The following INSL6 variants were observed in gnomAD, a reference collection of about 807,000 sequenced individuals.
INSL6 encodes insulin like 6.
In INSL6, 16 loss-of-function variants were observed where a neutral mutation model predicts 9.4. That is an observed-to-expected ratio of 1.70 (90% CI 1.15 to 2.59). The LOEUF is 2.59. Ranked by LOEUF, INSL6 falls within the 30% of genes most tolerant of loss-of-function variation. The pLI is 0.00. For missense variants in INSL6, 391 were observed against 257.3 expected, an observed-to-expected ratio of 1.52 and a Z score of -3.56; for synonymous variants, 154 against 96.9, an observed-to-expected ratio of 1.59 and a Z score of -3.46.
In INSL6 at chr9:5,163,923, T is replaced by C. The variant is rs772600588; in HGVS notation, c.632A>G (p.Lys211Arg). Reference protein sequence around the residue: ...LKEKRSSLVTKIY With the variant: ...LKEKRSSLVTRIY The stretch of plus-strand genomic sequence containing the variant: ...AAAATTCTAAGATGGTTAGTATATC[T>C]TAGTTACAAGTGATGATCTTTTTTC... The change falls in exon 2 of 2, where the codon AAG (lysine) becomes AGG (arginine). Residue 211 changes from lysine (K) to arginine (R), a missense_variant. Physicochemically the swap from Lys to Arg is conservative, Grantham distance 26. Transcript: ENST00000381641. 6.3e-7 allele frequency: 1 copy of C among 1,589,680 alleles called. No individual in the cohort carries two copies. The highest frequency in any genetic ancestry group is 8.6e-7 in the Non-Finnish European group (1 of 1,165,674).
chr9:5,111,348 T>A, the INSL6 span: 1 of 413,810 alleles, frequency 2.4e-6, no homozygotes, highest in Non-Finnish European at 4.7e-6. Context: ...GAAGGGGACC[T>A]CCCGGTACTA....
the INSL6 span, chr9:5,089,641 G>T: frequency 8.7e-7 from 1 of 1,153,118 alleles, no homozygotes; most frequent in South Asian, 3.4e-5. Context: ...TTGAAAACTT[G>T]GTATTTCCAT....
rs571334740 is a variant in INSL6, at chr9:5,141,880, T to C, written c.377-8288A>G. 2.6e-5 allele frequency among the ~76,000 whole-genome samples: 4 copies of C among 152,350 alleles called. No individual in the cohort carries two copies. The East Asian group carries it at 5.8e-4, about 22-fold the overall frequency. On this transcript the variant is annotated intron_variant, in intron 2 of 3. Transcript: ENST00000649639. Reference sequence around the variant, plus strand: ...TTATATTTAAGTATTTAATCCATTTTGTGTTAATTTTTGTATATGGTGTAA... The same window carrying C: ...TTATATTTAAGTATTTAATCCATTTCGTGTTAATTTTTGTATATGGTGTAA...
At chr9:5,002,576 G>C in the INSL6 span, among the ~76,000 whole-genome samples, 1 of 152,072 alleles carries the variant, frequency 6.6e-6, no homozygotes, top group East Asian at 1.9e-4. Context: ...AATGTTCTGT[G>C]AGCACTTGAA....
the INSL6 span, among the ~76,000 whole-genome samples, chr9:5,037,516 A>C: frequency 1.3e-5 from 2 of 152,230 alleles, no homozygotes; most frequent in Non-Finnish European, 2.9e-5. Context: ...ACCATGGAAT[A>C]CTGTGCAGCC....
chr9:5,054,417 G>A, the INSL6 span: 1 of 608,468 alleles, frequency 1.6e-6, no homozygotes, highest in Admixed American at 3.0e-5. This position sits in a 1 kb window ranked among gnomAD's most constrained non-coding sequence, Gnocchi z 4.9. Context: ...TATGGATGGG[G>A]GTTATGTCAA....
chr9:5,068,970 G>A, the INSL6 span: 3 of 1,005,380 alleles, frequency 3.0e-6, no homozygotes, highest in South Asian at 3.3e-5. Context: ...AATAATCACT[G>A]TGATGTCCAT....
the INSL6 span, among the ~76,000 whole-genome samples, chr9:5,065,340 T>A: frequency 6.6e-6 from 1 of 152,234 alleles, no homozygotes; most frequent in Non-Finnish European, 1.5e-5. Context: ...TTATGTTTTA[T>A]TAATTTTAAA....
the INSL6 span, among the ~76,000 whole-genome samples, chr9:5,081,207 T>C: frequency 6.6e-6 from 1 of 152,148 alleles, no homozygotes; most frequent in Non-Finnish European, 1.5e-5. Flanking sequence ...AAAGACCTTT[T>C]CTTTCAGTAA....
At chr9:5,055,653 A>G in the INSL6 span, 24 of 1,527,598 alleles carry the variant, frequency 1.6e-5, no homozygotes, top group African/African-American at 3.0e-4. Context: ...TTAATTTTAC[A>G]TGCTTTTAAT....
the INSL6 span, among the ~76,000 whole-genome samples, chr9:4,998,968 C>A: frequency 6.6e-6 from 1 of 151,070 alleles, no homozygotes; most frequent in East Asian, 2.0e-4. Flanking sequence ...ACTACAGGTG[C>A]CCGCCACCAC....
At chr9:5,107,037 A>ATATATACATCACTTTAC in the INSL6 span, among the ~76,000 whole-genome samples, 1 of 152,200 alleles carries the variant, frequency 6.6e-6, no homozygotes, top group Non-Finnish European at 1.5e-5. Context: ...TAATAAAAAT[A>ATATATACATCACTTTAC]TATATACATC....
chr9:5,005,189 A>G, the INSL6 span, among the ~76,000 whole-genome samples: 1 of 138,048 alleles, frequency 7.2e-6, no homozygotes, highest in Non-Finnish European at 1.5e-5. Flanking sequence ...GTCTCAAGTA[A>G]TCCTCCCACC....
chr9:5,031,724 T>C, the INSL6 span, among the ~76,000 whole-genome samples: 9 of 152,292 alleles, frequency 5.9e-5, no homozygotes, highest in African/African-American at 1.7e-4. Flanking sequence ...TTGTCAACTA[T>C]AAAAATTTTC....
intron 3 of INSL6, among the ~76,000 whole-genome samples, chr9:5,128,619 G>A (rs1168766207): frequency 2.0e-5 from 3 of 151,724 alleles, no homozygotes; most frequent in Non-Finnish European, 4.4e-5. Flanking sequence ...TTTTTTAAAT[G>A]CTTCATCTTT....
At chr9:5,041,752 G>C in the INSL6 span, 1 of 491,132 alleles carries the variant, frequency 2.0e-6, no homozygotes, top group Non-Finnish European at 4.1e-6. Flanking sequence ...CCCATCAGCA[G>C]TGTCCACACC....
intron 2 of INSL6, among the ~76,000 whole-genome samples, chr9:5,153,865 AAG>A (rs1185947626): frequency 6.6e-6 from 1 of 152,248 alleles, no homozygotes; most frequent in Non-Finnish European, 1.5e-5. Context: ...CATGGATAGA[AAG>A]AATCAATATC....
At chr9:5,164,473 T>C (rs994898360) in intron 1 of INSL6, among the ~76,000 whole-genome samples, 2 of 152,250 alleles carry the variant, frequency 1.3e-5, no homozygotes, top group Non-Finnish European at 2.9e-5. Flanking sequence ...CTTTGTACAT[T>C]TTTGTATTAA....
the INSL6 span, among the ~76,000 whole-genome samples, chr9:5,082,157 G>C: frequency 6.6e-6 from 1 of 152,184 alleles, no homozygotes; most frequent in South Asian, 2.1e-4. Flanking sequence ...CAGGGGACCA[G>C]TGCTCAGCAT....
Sources: gnomAD v4.1 joint callset for allele counts (sites outside exome capture counted in the v4.1 genomes callset) on GRCh38, gnomAD v4.1.1 for gene constraint, Gnocchi (gnomAD v3.1) non-coding constraint, MANE v1.5 for transcripts, NCBI Gene and HGNC (gene_info 2026-07-23, HGNC 2026-07-21) for gene names.